TMEM72: variants seen among roughly 807,000 people sequenced by gnomAD.
The protein encoded by TMEM72 is kidney-specific secretory protein of 37 kDa.
A neutral mutation model predicts 16.3 loss-of-function variants in TMEM72; 9 were observed. The ratio of observed to expected loss-of-function variants is 0.55; its 90% CI spans 0.33 to 0.96. The LOEUF (loss-of-function observed/expected upper bound fraction) is 0.96, where lower values mean the gene tolerates loss of function less well. Ranked by LOEUF, TMEM72 falls within the 40% of genes least tolerant of loss-of-function variation. The pLI is 0.03. For missense variants in TMEM72, 324 were observed against 337.8 expected (o/e 0.96, Z 0.32); for synonymous variants, 160 against 146.5 (o/e 1.09, Z -0.66).
intron 1 of TMEM72, among the ~76,000 whole-genome samples, chr10:44,921,133 G>A (rs142630694): frequency 6.6e-6 from 1 of 152,328 alleles, no homozygotes; most frequent in East Asian, 1.9e-4. Context: ...ACACAGGAGG[G>A]ACAGAGACTG....
At chr10:44,923,570 G>T (rs1257250066) in intron 1 of TMEM72, among the ~76,000 whole-genome samples, 1 of 152,202 alleles carries the variant, frequency 6.6e-6, no homozygotes, top group African/African-American at 2.4e-5. Context: ...AGACCTTAGA[G>T]TTGGCAGTTC....
At chr10:44,913,450 A>ATG (rs1554799514) in intron 1 of TMEM72, among the ~76,000 whole-genome samples, 3 of 146,334 alleles carry the variant, frequency 2.1e-5, no homozygotes, top group Non-Finnish European at 4.5e-5. Flanking sequence ...TCCCATGTGC[A>ATG]CGCACACACA....
At chr10:44,932,859 G>T (rs1414961214) in intron 3 of TMEM72, among the ~76,000 whole-genome samples, 2 of 152,210 alleles carry the variant, frequency 1.3e-5, no homozygotes, top group Non-Finnish European at 2.9e-5. Flanking sequence ...CCACACACAC[G>T]CAGGAATGGG....
chr10:44,928,129 C>A, intron 2 of TMEM72, 142 bp downstream of exon 2: 1 of 870,142 alleles, frequency 1.1e-6, no homozygotes, highest in Non-Finnish European at 1.8e-6. Flanking sequence ...TTGAGGGGGG[C>A]TCTAGAATAG....
In TMEM72 at chr10:44,932,144, C is replaced by T. The variant is rs113111338; in HGVS notation, c.209+75C>T. On this transcript the variant is annotated intron_variant, in intron 3 of 4. Coordinates refer to ENST00000389583, the MANE Select transcript of TMEM72 (RefSeq NM_001123376.3). ...ACCACAGATGTCTCCACCCAAGAGC[C>T]CACAACCAGGGGATGTCCTGCTCCT... The T allele has an allele frequency of 2.2e-4, 331 of 1,512,838 alleles. 3 individuals carry two copies. In the African/African-American group the frequency reaches 3.7e-3, roughly 17 times the overall value. The allele number at this position is 1,512,838 out of a possible 1,614,324, so 93.7% of individuals were successfully genotyped here.
chr10:44,925,225 T>A (rs188064719), intron 1 of TMEM72, among the ~76,000 whole-genome samples: 11 of 152,312 alleles, frequency 7.2e-5, no homozygotes, highest in Admixed American at 6.5e-4. Flanking sequence ...CTCTCTACAG[T>A]GTTCCTCAAA....
chr10:44,933,608 T>C, intron 3 of TMEM72, 29 bp from the exon 4 acceptor site: 1 of 1,599,188 alleles, frequency 6.3e-7, no homozygotes, highest in South Asian at 1.1e-5. Context: ...CTGGGACACA[T>C]TATGCTAACC....
intron 1 of TMEM72, among the ~76,000 whole-genome samples, chr10:44,921,232 G>T (rs1840093419): frequency 6.6e-6 from 1 of 152,218 alleles, no homozygotes; most frequent in Non-Finnish European, 1.5e-5. Flanking sequence ...CTGGGATCAT[G>T]CAGGGAGTGA....
In TMEM72 at chr10:44,936,159, C is replaced by T. The variant is rs949752360; in HGVS notation, c.*1025C>T. 3.9e-5 allele frequency: 6 copies of T among 152,324 alleles called. No individual in the cohort carries two copies. Among genetic ancestry groups the T allele is most frequent in the Non-Finnish European group, 8.8e-5 (6 of 68,024 alleles). 9.4% of individuals were successfully genotyped at this position (152,324 alleles called of 1,614,324 possible). ...ACAAAGACATCTGAATCAGATATTC[C>T]TTTGTAAATCTGTAAAGGATTTGCA... On this transcript the variant is annotated 3_prime_UTR_variant, in exon 5 of 5. Transcript: ENST00000389583.
chr10:44,933,841 G>A, intron 4 of TMEM72, 65 bp downstream of exon 4: 1 of 1,513,308 alleles, frequency 6.6e-7, no homozygotes, highest in Non-Finnish European at 8.9e-7. Flanking sequence ...GAGGAGCTGA[G>A]CCCCTCAAAG....
intron 2 of TMEM72, among the ~76,000 whole-genome samples, chr10:44,931,332 G>A (rs186139823): frequency 2.6e-4 from 39 of 152,330 alleles, no homozygotes; most frequent in South Asian, 1.0e-3. Flanking sequence ...CATTCCTCAG[G>A]AGATGCTGAT....
At chr10:44,928,478 C>G (rs1840237528) in intron 2 of TMEM72, among the ~76,000 whole-genome samples, 1 of 152,028 alleles carries the variant, frequency 6.6e-6, no homozygotes, top group Admixed American at 6.6e-5. Context: ...ATCCACCCAC[C>G]CATCCATCCA....
At chr10:44,926,917 C>A (rs1361988869) in intron 1 of TMEM72, among the ~76,000 whole-genome samples, 1 of 152,062 alleles carries the variant, frequency 6.6e-6, no homozygotes, top group Non-Finnish European at 1.5e-5. Flanking sequence ...AGACACCAGG[C>A]GATGGAAGCC....
At position 44,934,760 on chromosome 10, in the gene TMEM72, C is replaced by G. The variant is rs886450081; in HGVS notation, c.454C>G (p.Pro152Ala). The G allele has an allele frequency of 9.3e-6, 15 of 1,613,610 alleles. No individual in the cohort carries two copies. Among genetic ancestry groups the G allele is most frequent in the Non-Finnish European group, 1.1e-5 (13 of 1,179,998 alleles). ...GGCCTCCCCAGAGCAGTACACAGAC[C>G]CCTCTAGCAGCGCTGTGAGCACCAC... ...VLASPEQYTD[P>A]SSSAVSTTGS... Residue 152 changes from proline to alanine, a missense_variant, in exon 5 of 5, where the codon CCC becomes GCC. Coordinates refer to ENST00000389583, the MANE Select transcript of TMEM72 (RefSeq NM_001123376.3).
rs1401606812 is a variant in TMEM72, at chr10:44,934,699, C to G, written c.393C>G (p.Ser131Arg). The change falls in exon 5 of 5, where the codon AGC becomes AGG. Residue 131 changes from serine (S) to arginine (R), a missense_variant. Coordinates refer to ENST00000389583, the MANE Select transcript of TMEM72 (RefSeq NM_001123376.3). ...IITGLAYFLLSKRKKRKAAPE... is the reference protein window; with the variant it reads ...IITGLAYFLLRKRKKRKAAPE... The stretch of plus-strand genomic sequence containing the variant: ...CCGGCCTGGCCTACTTCCTTCTGAG[C>G]AAGCGGAAGAAGAGGAAAGCTGCCC... 1 of 1,606,576 alleles carries G rather than the reference C, an allele frequency of 6.2e-7. No homozygotes were observed. The highest frequency in any genetic ancestry group is 8.5e-7 in the Non-Finnish European group (1 of 1,177,232).
intron 1 of TMEM72, among the ~76,000 whole-genome samples, chr10:44,912,149 G>C (rs996337569): frequency 2.6e-5 from 4 of 152,216 alleles, no homozygotes; most frequent in Non-Finnish European, 1.5e-5. Flanking sequence ...CCAGACCCCT[G>C]TCTGAGGTCT....
intron 3 of TMEM72, among the ~76,000 whole-genome samples, chr10:44,932,802 A>G (rs1840322037): frequency 6.6e-6 from 1 of 152,192 alleles, no homozygotes; most frequent in South Asian, 2.1e-4. Flanking sequence ...GCTGGGGAGA[A>G]GGCTGGGGAG....
chr10:44,911,563 G>A lies in TMEM72; in HGVS notation c.51G>A (p.Leu17=). The A allele has an allele frequency of 6.4e-7, 1 of 1,551,092 alleles. No homozygotes were observed. The highest frequency in any genetic ancestry group is 8.7e-7 in the Non-Finnish European group (1 of 1,147,300). The part of the protein sequence containing the change: ...WTGLEYTCRL[L]GITTAAVLIG... Reference sequence around the variant, plus strand: ...GGCTGGAATACACCTGCCGGCTCCTGGGCATCACCACTGCTGCAGGTAAGA... The same window carrying A: ...GGCTGGAATACACCTGCCGGCTCCTAGGCATCACCACTGCTGCAGGTAAGA... The change falls in exon 1 of 5, where the codon CTG becomes CTA. Residue 17 remains leucine (L), a synonymous_variant. Coordinates refer to ENST00000389583, the MANE Select transcript of TMEM72 (RefSeq NM_001123376.3).
intron 4 of TMEM72, among the ~76,000 whole-genome samples, chr10:44,934,295 G>C (rs1245524275): frequency 6.6e-6 from 1 of 152,168 alleles, no homozygotes; most frequent in Admixed American, 6.5e-5. Context: ...CACCTTTTCA[G>C]TTTCATCCAC....
Sources: allele counts gnomAD v4.1 joint callset (sites outside exome capture counted in the v4.1 genomes callset), GRCh38; gene constraint gnomAD v4.1.1; transcripts MANE v1.5; gene names NCBI Gene and HGNC (gene_info 2026-07-23, HGNC 2026-07-21).